JADE3: variants seen among roughly 807,000 people sequenced by gnomAD.
The protein encoded by JADE3 is jade family PHD finger 3, also known as protein Jade-3.
Under a neutral mutation model 50.1 loss-of-function variants are expected in JADE3, and 2 were observed. That is an observed-to-expected ratio of 0.04 (90% CI 0.02 to 0.13). The LOEUF is 0.13. Among genes scored for constraint, JADE3 ranks in the 10% least tolerant of loss-of-function variants. The pLI, the probability that JADE3 is intolerant of heterozygous loss-of-function variation, is 1.00. For synonymous variants in JADE3, 218 were observed against 232.9 expected (o/e 0.94, Z 0.58); for missense variants, 475 against 634.4 (o/e 0.75, Z 2.70).
At chrX:46,935,053 C>A (rs1408376986) in intron 1 of JADE3, among the ~76,000 whole-genome samples, 1 of 111,200 alleles carries the variant, frequency 9.0e-6, no homozygotes, top group African/African-American at 3.3e-5. Flanking sequence ...CGTGCCTCAG[C>A]CTCCCGAGTA....
intron 1 of JADE3, among the ~76,000 whole-genome samples, chrX:46,979,258 C>T (rs1432955611): frequency 8.9e-6 from 1 of 112,173 alleles, no homozygotes; most frequent in African/African-American, 3.2e-5. Context: ...CTCCCTCTGT[C>T]AAGAACAGTT....
At chrX:47,055,995 T>G in intron 9 of JADE3, 87 bp from the exon 10 acceptor site, 1 of 548,969 alleles carries the variant, frequency 1.8e-6, no homozygotes, top group Non-Finnish European at 3.1e-6. Context: ...CACCTGACTT[T>G]AGGTCTTTAT....
chrX:46,987,581 A>G (rs1477770898), intron 3 of JADE3, among the ~76,000 whole-genome samples: 1 of 112,153 alleles, frequency 8.9e-6, no homozygotes, highest in African/African-American at 3.2e-5. Context: ...TTCTGGGCAC[A>G]ATAGAATGTA....
At chrX:47,054,054 G>A (rs1929577201) in intron 8 of JADE3, 104 bp from the exon 9 acceptor site, 6 of 515,551 alleles carry the variant, frequency 1.2e-5, no homozygotes, top group South Asian at 3.4e-5. Flanking sequence ...ACTTTCTCCC[G>A]GTCTTTCTTT....
chrX:47,017,294 C>G (rs782348530), intron 4 of JADE3, among the ~76,000 whole-genome samples: 3 of 111,768 alleles, frequency 2.7e-5, no homozygotes, highest in Non-Finnish European at 5.6e-5. Flanking sequence ...ACAGTGAGTT[C>G]AACAAATAAA....
chrX:46,968,150 ATTCT>A (rs1250877809), intron 1 of JADE3, among the ~76,000 whole-genome samples: 52 of 112,107 alleles, frequency 4.6e-4, no homozygotes, highest in African/African-American at 1.6e-3. Flanking sequence ...TGATAGGTTG[ATTCT>A]TTCTCTTTCT....
At chrX:46,992,377 C>G (rs1338102186) in intron 3 of JADE3, among the ~76,000 whole-genome samples, 3 of 102,250 alleles carry the variant, frequency 2.9e-5, no homozygotes, top group Non-Finnish European at 6.0e-5. Context: ...GGACCCCCCC[C>G]CCCATAACTA....
At chrX:46,929,182 G>T (rs1401937894) in intron 1 of JADE3, among the ~76,000 whole-genome samples, 1 of 111,454 alleles carries the variant, frequency 9.0e-6, no homozygotes, top group Non-Finnish European at 1.9e-5. Context: ...TTCAAATATA[G>T]ACAAAACTTT....
At chrX:46,975,624 GTTTTAT>G (rs1556351417) in intron 1 of JADE3, among the ~76,000 whole-genome samples, 5 of 105,180 alleles carry the variant, frequency 4.8e-5, no homozygotes, top group Non-Finnish European at 9.8e-5. Context: ...TGATAGGTCG[GTTTTAT>G]TTTTATTATA....
chrX:47,057,961 T>C (rs185266257), intron 10 of JADE3, among the ~76,000 whole-genome samples: 30 of 111,339 alleles, frequency 2.7e-4, no homozygotes, highest in Non-Finnish European at 2.3e-4. Context: ...TGGAGCCATA[T>C]AGCAAACAGT....
rs1929731660 is a variant in JADE3, at chrX:47,060,045, G to T, written c.*968G>T. 8.9e-6 allele frequency: 1 copy of T among 112,207 alleles called. No homozygotes were observed. Among genetic ancestry groups the T allele is most frequent in the Admixed American group, 9.5e-5 (1 of 10,480 alleles). 9.2% of individuals were successfully genotyped at this position (112,207 alleles called of 1,213,427 possible). ...TCTTACCTGCTTTAATTTTGAAACA[G>T]ATTTTTATTGTCAAACAGAATTTGA... On this transcript the variant is annotated 3_prime_UTR_variant, in exon 11 of 11. Coordinates refer to ENST00000614628, the MANE Select transcript of JADE3 (RefSeq NM_014735.5).
chrX:47,032,567 AGGCATGGC>A (rs1367187347), intron 6 of JADE3, among the ~76,000 whole-genome samples: 7 of 111,316 alleles, frequency 6.3e-5, no homozygotes, highest in Admixed American at 9.7e-5. Flanking sequence ...TAATCAATCC[AGGCATGGC>A]ATAATGAGAA....
At position 46,984,902 on chromosome X, in the gene JADE3, G is replaced by A. The variant is rs1927830003; in HGVS notation, c.8G>A (p.Arg3His). MK[R>H]HRPVSSSDSS... Reference sequence around the variant, plus strand: ...TTCCCAGGATGCTCCAGGATGAAACGCCATAGGCCTGTCAGCAGCAGTGAC... The same window carrying A: ...TTCCCAGGATGCTCCAGGATGAAACACCATAGGCCTGTCAGCAGCAGTGAC... The change falls in exon 2 of 11, where the codon CGC (arginine) becomes CAC (histidine). Residue 3 changes from arginine to histidine, a missense_variant. Coordinates refer to ENST00000614628, the MANE Select transcript of JADE3 (RefSeq NM_014735.5). The A allele has an allele frequency of 1.7e-6, 2 of 1,209,094 alleles. No individual in the cohort carries two copies. The highest frequency in any genetic ancestry group is 1.8e-5 in the South Asian group (1 of 56,900).
At chrX:46,988,827 A>G (rs782688808) in intron 3 of JADE3, among the ~76,000 whole-genome samples, 1 of 112,382 alleles carries the variant, frequency 8.9e-6, no homozygotes, top group African/African-American at 3.2e-5. Context: ...CAATATTGCC[A>G]TTGGCTGCTT....
chrX:47,039,390 C>CT (rs34509375), intron 8 of JADE3, among the ~76,000 whole-genome samples: 22,535 of 96,109 alleles, frequency 0.23, 2,599 homozygotes, highest in African/African-American at 0.39. Context: ...GGCCCATGTT[C>CT]TTTTTTTTTT....
intron 1 of JADE3, among the ~76,000 whole-genome samples, chrX:46,966,866 G>C (rs1230883857): frequency 2.7e-5 from 3 of 111,943 alleles, no homozygotes; most frequent in African/African-American, 9.7e-5. Context: ...GCAGAATTTG[G>C]AAGTTAAAAG....
At chrX:46,996,871 T>C (rs782100815) in intron 3 of JADE3, among the ~76,000 whole-genome samples, 23 of 112,279 alleles carry the variant, frequency 2.0e-4, no homozygotes, top group African/African-American at 7.1e-4. Context: ...TGGACATATC[T>C]TTTTGGAGGC....
chrX:46,981,640 C>T (rs1556353070), intron 1 of JADE3, among the ~76,000 whole-genome samples: 1 of 111,568 alleles, frequency 9.0e-6, no homozygotes, highest in Non-Finnish European at 1.9e-5. Context: ...CAAACAGAAC[C>T]TTAGTTAATG....
At chrX:46,996,475 C>G (rs1556357407) in intron 3 of JADE3, among the ~76,000 whole-genome samples, 1 of 112,278 alleles carries the variant, frequency 8.9e-6, no homozygotes, top group African/African-American at 3.2e-5. Flanking sequence ...AATAAATTAA[C>G]ATAAACGAGG....
Sources: allele counts gnomAD v4.1 joint callset (sites outside exome capture counted in the v4.1 genomes callset), GRCh38; gene constraint gnomAD v4.1.1; transcripts MANE v1.5; gene names NCBI Gene and HGNC (gene_info 2026-07-23, HGNC 2026-07-21).